Variants in KIF20B observed in about 807,000 individuals in gnomAD.
KIF20B encodes kinesin family member 20B.
A neutral mutation model predicts 232.5 loss-of-function variants in KIF20B; 188 were observed. The ratio of observed to expected loss-of-function variants is 0.81; its 90% CI spans 0.72 to 0.91. The LOEUF (loss-of-function observed/expected upper bound fraction) is 0.91, where lower values mean the gene tolerates loss of function less well. Ranked by LOEUF, KIF20B falls within the 40% of genes least tolerant of loss-of-function variation. The pLI is 0.00. For missense variants in KIF20B, 2,154 were observed against 2,055.9 expected (o/e 1.05, Z -0.92); for synonymous variants, 712 against 683.0 (o/e 1.04, Z -0.66).
chr10:89,705,509 GCCTGTTTTTGTATTA>G (rs1842704430), intron 2 of KIF20B, 68 bp downstream of exon 2: 2 of 1,424,330 alleles, frequency 1.4e-6, no homozygotes, highest in African/African-American at 2.9e-5. Context: ...GCAAACAATG[GCCTGTTTTTGTATTA>G]CCTGTTTTTG....
intron 30 of KIF20B, 102 bp from the exon 31 acceptor site, chr10:89,768,636 G>T: frequency 1.7e-6 from 2 of 1,143,310 alleles, no homozygotes; most frequent in Non-Finnish European, 1.2e-6. Context: ...TCCTACCTGA[G>T]AATTCATAAC....
chr10:89,720,719 T>C (rs1843038001), intron 13 of KIF20B, among the ~76,000 whole-genome samples: 1 of 152,158 alleles, frequency 6.6e-6, no homozygotes, highest in South Asian at 2.1e-4. Context: ...TATTTATTTA[T>C]TTTTGAGAGA....
rs74367792 is a variant in KIF20B at position 89,703,462 on chromosome 10, A to G, written c.-2+1782A>G. ...GGTGAGGGGCCACCATCTAGAGGGG[A>G]AAGAGGGCAAGGGGAATGGGGAGTC... On this transcript the variant is annotated intron_variant, in intron 1 of 32. Coordinates refer to ENST00000371728, the MANE Select transcript of KIF20B (RefSeq NM_001284259.2). Among the ~76,000 whole-genome samples, 23 of 152,192 alleles carry G rather than the reference A, an allele frequency of 1.5e-4. No homozygotes were observed. The East Asian group carries it at 4.4e-3, about 29-fold the overall frequency.
chr10:89,748,311 C>G (rs1841958066), intron 23 of KIF20B, among the ~76,000 whole-genome samples: 1 of 152,082 alleles, frequency 6.6e-6, no homozygotes, highest in African/African-American at 2.4e-5. Flanking sequence ...TGCCTGGCCA[C>G]AAAATTTCTT....
intron 14 of KIF20B, 83 bp downstream of exon 14, chr10:89,724,186 TA>T: frequency 7.9e-7 from 1 of 1,267,930 alleles, no homozygotes; most frequent in Non-Finnish European, 1.0e-6. Flanking sequence ...GTTTACTTTT[TA>T]TATTAGGTGG....
chr10:89,737,680 T>C lies in KIF20B; in HGVS notation c.2839T>C (p.Leu947=). ...AAATTATGATATTGCAATTGCTGAA[T>C]TACATGTGCAGAAAAGTAAAAATCA... ...QSNYDIAIAE[L]HVQKSKNQEQ... The change falls in exon 20 of 33, where the codon TTA becomes CTA. Residue 947 remains leucine, a synonymous_variant. Coordinates refer to ENST00000371728, the MANE Select transcript of KIF20B (RefSeq NM_001284259.2). 1 of 1,613,100 alleles carries C rather than the reference T, an allele frequency of 6.2e-7. No homozygotes were observed. Among genetic ancestry groups the C allele is most frequent in the Non-Finnish European group, 8.5e-7 (1 of 1,179,404 alleles).
In KIF20B at chr10:89,740,494, C is replaced by T. The variant is rs183944773; in HGVS notation, c.3915+1398C>T. 1.0e-3 allele frequency among the ~76,000 whole-genome samples: 153 copies of T among 152,252 alleles called. 1 individual carries two copies. Among genetic ancestry groups the T allele is most frequent in the South Asian group, 5.2e-3 (25 of 4,822 alleles). On this transcript the variant is annotated intron_variant, in intron 21 of 32. Coordinates refer to ENST00000371728, the MANE Select transcript of KIF20B (RefSeq NM_001284259.2). The stretch of plus-strand genomic sequence containing the variant: ...TTCTCATGACTCAATCTCCAACCCT[C>T]CTCTCTTCCACAGAGTTTGGTGGGT...
chr10:89,749,440 C>G (rs2133147984), intron 23 of KIF20B, among the ~76,000 whole-genome samples: 1 of 152,238 alleles, frequency 6.6e-6, no homozygotes, highest in South Asian at 2.1e-4. Context: ...TTAGTACTTT[C>G]TATTCACAAA....
At chr10:89,764,723 G>A (rs1277828470) in intron 29 of KIF20B, among the ~76,000 whole-genome samples, 6 of 150,560 alleles carry the variant, frequency 4.0e-5, no homozygotes, top group East Asian at 2.0e-4. Flanking sequence ...CATGTCCTTC[G>A]CCCACTTTTT....
chr10:89,702,228 C>T (rs1842627526), intron 1 of KIF20B, among the ~76,000 whole-genome samples: 2 of 152,092 alleles, frequency 1.3e-5, no homozygotes, highest in South Asian at 4.1e-4. Flanking sequence ...GTGGTAGCCT[C>T]TGTGCACTTA....
chr10:89,748,367 C>G (rs1321008018), intron 23 of KIF20B, among the ~76,000 whole-genome samples: 3 of 152,184 alleles, frequency 2.0e-5, no homozygotes, highest in African/African-American at 4.8e-5. Context: ...ACAGACTCCT[C>G]TCCTCCTCAT....
intron 26 of KIF20B, among the ~76,000 whole-genome samples, chr10:89,757,820 A>G (rs1196754168): frequency 6.6e-6 from 1 of 151,304 alleles, no homozygotes; most frequent in African/African-American, 2.4e-5. Flanking sequence ...TTGTAAGATT[A>G]GGGTTGGGGT....
intron 2 of KIF20B, among the ~76,000 whole-genome samples, chr10:89,707,219 A>C (rs994211651): frequency 2.6e-5 from 4 of 152,168 alleles, no homozygotes; most frequent in African/African-American, 9.7e-5. Flanking sequence ...TTAGATACGC[A>C]GTTTGATAAG....
intron 18 of KIF20B, among the ~76,000 whole-genome samples, chr10:89,731,884 A>C (rs558114335): frequency 6.6e-6 from 1 of 152,268 alleles, no homozygotes; most frequent in East Asian, 1.9e-4. Flanking sequence ...TTTCTTAAAT[A>C]ACCCATTACT....
At chr10:89,710,852 A>G in intron 5 of KIF20B, 109 bp from the exon 6 acceptor site, 3 of 711,560 alleles carry the variant, frequency 4.2e-6, no homozygotes, top group Non-Finnish European at 6.8e-6. Flanking sequence ...TTTCCGTTTC[A>G]GTTGTTGACT....
intron 31 of KIF20B, among the ~76,000 whole-genome samples, chr10:89,770,537 G>A (rs547392687): frequency 2.6e-4 from 40 of 151,964 alleles, no homozygotes; most frequent in Non-Finnish European, 4.6e-4. Flanking sequence ...TCAGATAAGG[G>A]TAATGATTCT....
At chr10:89,757,040 GTATATATATATATATATATA>G (rs34325599) in intron 26 of KIF20B, among the ~76,000 whole-genome samples, 1 of 110,748 alleles carries the variant, frequency 9.0e-6, no homozygotes, top group Non-Finnish European at 1.8e-5. Context: ...GTGTGTGTGT[GTATATATATATATATATATA>G]TATATATATA....
chr10:89,705,500 C>G (rs1417159078), intron 2 of KIF20B, 59 bp downstream of exon 2: 8 of 1,486,620 alleles, frequency 5.4e-6, no homozygotes, highest in African/African-American at 4.2e-5. Context: ...CAAGGGTTGG[C>G]AAACAATGGC....
intron 8 of KIF20B, among the ~76,000 whole-genome samples, chr10:89,715,861 T>C (rs1842924455): frequency 6.6e-6 from 1 of 150,496 alleles, no homozygotes; most frequent in Non-Finnish European, 1.5e-5. Context: ...CATGATCGTA[T>C]GCATCTGTAG....
Sources: gnomAD v4.1 joint callset for allele counts (sites outside exome capture counted in the v4.1 genomes callset) on GRCh38, gnomAD v4.1.1 for gene constraint, MANE v1.5 for transcripts, NCBI Gene and HGNC (gene_info 2026-07-23, HGNC 2026-07-21) for gene names.